The following MROH2B variants were observed in gnomAD, a reference collection of about 807,000 sequenced individuals.
MROH2B encodes the protein maestro heat-like repeat-containing protein family member 2B.
Under a neutral mutation model 208.6 loss-of-function variants are expected in MROH2B, and 177 were observed. The ratio of observed to expected loss-of-function variants is 0.85; its 90% CI spans 0.75 to 0.96. The LOEUF is 0.96. MROH2B is among the 40% of genes least tolerant of loss of function. The probability of loss-of-function intolerance (pLI) is 0.00; values close to 1 mark genes in which losing one functional copy is unlikely to be tolerated. For synonymous variants in MROH2B, 728 were observed against 659.0 expected, an observed-to-expected ratio of 1.10 and a Z score of -1.60; for missense variants, 2,002 against 1,878.7, an observed-to-expected ratio of 1.07 and a Z score of -1.21.
chr5:41,035,117 C>A (rs1274932955), intron 21 of MROH2B, among the ~76,000 whole-genome samples: 1 of 151,808 alleles, frequency 6.6e-6, no homozygotes, highest in Non-Finnish European at 1.5e-5. Flanking sequence ...TCATATGGAA[C>A]AACGAAAAAA....
In MROH2B at chr5:41,015,295, C is replaced by A. The variant is rs192443088; in HGVS notation, c.2982+86G>T. 45 of 1,193,772 alleles carry A rather than the reference C, an allele frequency of 3.8e-5. No individual in the cohort carries two copies. In the East Asian group the frequency reaches 7.1e-4, roughly 19 times the overall value. The allele number at this position is 1,193,772 out of a possible 1,614,324, so 73.9% of individuals were successfully genotyped here. ...TCCCTCATTCAGCTTGAATATCTAT[C>A]TTCTTTGCAGTGGGGAGTATGTAGC... On this transcript the variant is annotated intron_variant, in intron 29 of 41. Transcript: ENST00000399564.
intron 32 of MROH2B, 37 bp from the exon 33 acceptor site, chr5:41,008,830 A>C: frequency 1.2e-4 from 181 of 1,571,910 alleles, no homozygotes; most frequent in Middle Eastern, 1.7e-4. Context: ...AGGCAGTCTC[A>C]TTTTCTCCAA....
chr5:41,019,158 G>T, intron 24 of MROH2B, 140 bp from the exon 25 acceptor site: 1 of 1,030,056 alleles, frequency 9.7e-7, no homozygotes, highest in Non-Finnish European at 1.4e-6. Context: ...TGTTGAGAAA[G>T]GTGGTGACAG....
chr5:41,012,298 C>G (rs1049466334), intron 30 of MROH2B, among the ~76,000 whole-genome samples: 1 of 152,216 alleles, frequency 6.6e-6, no homozygotes, highest in African/African-American at 2.4e-5. Flanking sequence ...TCTCTAACAA[C>G]CCTGTTTTCC....
rs1168249239 is a variant in MROH2B at position 41,018,739 on chromosome 5, G to T, written c.2625C>A (p.Thr875=). 2 of 1,613,898 alleles carry T rather than the reference G, an allele frequency of 1.2e-6. No homozygotes were observed. The highest frequency in any genetic ancestry group is 1.1e-5 in the South Asian group (1 of 91,078). Residue 875 remains threonine (T), a synonymous_variant, in exon 26 of 42, where the codon ACC becomes ACA. Transcript: ENST00000399564. ...CTGCATTCACATTATCCCACATCAT[G>T]GTCTTCAGAAGTTTTCCTAGGGCGT... ...SMDALGKLLK[T]MMWDNVNAED... is the part of the protein sequence containing the mutation.
At chr5:41,050,614 C>A (rs1262059553) in intron 13 of MROH2B, among the ~76,000 whole-genome samples, 1 of 152,058 alleles carries the variant, frequency 6.6e-6, no homozygotes, top group African/African-American at 2.4e-5. Flanking sequence ...TCCAGTGAGG[C>A]CTGAGAATGG....
intron 33 of MROH2B, 87 bp from the exon 34 acceptor site, chr5:41,007,541 T>C (rs1360265924): frequency 8.1e-7 from 1 of 1,238,688 alleles, no homozygotes; most frequent in Non-Finnish European, 1.1e-6. Context: ...CTCCTCACAA[T>C]GCTTTCCCAC....
chr5:41,000,443 C>T, intron 38 of MROH2B, 92 bp from the exon 39 acceptor site: 1 of 1,505,222 alleles, frequency 6.6e-7, no homozygotes, highest in Non-Finnish European at 8.9e-7. Context: ...GAAAGAAGCA[C>T]TAAAAGTCAG....
chr5:41,017,920 G>A lies in MROH2B; in HGVS notation c.2814C>T (p.His938=), dbSNP rs1158184203. 6.3e-7 allele frequency: 1 copy of A among 1,585,102 alleles called. No homozygotes were observed. The highest frequency in any genetic ancestry group is 1.2e-5 in the South Asian group (1 of 86,702). ...GGATGGTGGGCAGGGTATCACAGGA[G>A]TGAGGAGCCAGAAGTCCAAGCAGTG... is the stretch of plus-strand genomic sequence containing the variant. ...IGSLLGLLAP[H]SCDTLPTIRQ... Residue 938 remains histidine, a synonymous_variant, in exon 28 of 42, where the codon CAC becomes CAT. Transcript: ENST00000399564.
intron 24 of MROH2B, among the ~76,000 whole-genome samples, chr5:41,031,598 T>G (rs1296243639): frequency 6.6e-6 from 1 of 152,110 alleles, no homozygotes; most frequent in Non-Finnish European, 1.5e-5. Flanking sequence ...GTTTCTTCCA[T>G]CTTTTATTTT....
chr5:41,054,310 G>T (rs1347966555), intron 11 of MROH2B, among the ~76,000 whole-genome samples: 1 of 152,196 alleles, frequency 6.6e-6, no homozygotes, highest in Non-Finnish European at 1.5e-5. Flanking sequence ...GGAATATTGA[G>T]CAATCCGCTA....
intron 25 of MROH2B, 35 bp downstream of exon 25, chr5:41,018,848 G>C: frequency 6.2e-7 from 1 of 1,613,784 alleles, no homozygotes. Context: ...CCCCACTGCA[G>C]ACTGTCATCC....
chr5:41,063,504 T>A (rs115717942), intron 5 of MROH2B, among the ~76,000 whole-genome samples: 101 of 152,280 alleles, frequency 6.6e-4, no homozygotes, highest in African/African-American at 2.2e-3. Flanking sequence ...CCCAGGGCAG[T>A]GTCCAGGCAC....
In MROH2B at chr5:41,070,974, G is replaced by T; in HGVS notation, c.-122C>A. On this transcript the variant is annotated 5_prime_UTR_variant, in exon 1 of 42. Coordinates refer to ENST00000399564, the MANE Select transcript of MROH2B (RefSeq NM_173489.5). ...AAGGTTCACATAAGCCTCTCTAAAT[G>T]AAAGTGCCTCCTCCACTTGATTGGC... 2.2e-6 allele frequency: 2 copies of T among 929,852 alleles called. No homozygotes were observed. Among genetic ancestry groups the T allele is most frequent in the Non-Finnish European group, 3.3e-6 (2 of 598,010 alleles). The allele number at this position is 929,852 out of a possible 1,614,324, so 57.6% of individuals were successfully genotyped here. A position where few individuals can be genotyped will look rare whatever the true frequency, so the allele number is the denominator to read the frequency against.
In MROH2B at chr5:41,004,893, G is replaced by T. The variant is rs1741527170; in HGVS notation, c.3892C>A (p.His1298Asn). 6.2e-7 allele frequency: 1 copy of T among 1,613,820 alleles called. No individual in the cohort carries two copies. The change falls in exon 36 of 42, where the codon CAT becomes AAT. Residue 1298 changes from histidine to asparagine, a missense_variant. Physicochemically the swap from His to Asn is moderately conservative, Grantham distance 68. Transcript: ENST00000399564. ...ATCAGCACATTTCGCAGATTCCCAT[G>T]CTTCCAAAGGATTGGTTCCTTCATG... ...ELMKEPILWK[H>N]GNLRNVLILM...
At chr5:41,043,918 G>A (rs1470115776) in intron 18 of MROH2B, among the ~76,000 whole-genome samples, 1 of 151,986 alleles carries the variant, frequency 6.6e-6, no homozygotes, top group African/African-American at 2.4e-5. Flanking sequence ...GAGAGAACAA[G>A]AACAACAGAA....
chr5:41,065,454 A>G lies in MROH2B; in HGVS notation c.238T>C (p.Leu80=). The G allele has an allele frequency of 1.2e-6, 2 of 1,613,482 alleles. No homozygotes were observed. The highest frequency in any genetic ancestry group is 1.7e-6 in the Non-Finnish European group (2 of 1,179,622). Residue 80 remains leucine, a synonymous_variant, in exon 4 of 42, where the codon TTG becomes CTG. Transcript: ENST00000399564. ...AAATCATGTGCAGCAAGAGACACCA[A>G]AACCTCACCAGCTAGCATTCTGATT... ...REIRMLAGEV[L]VSLAAHDFNS...
intron 24 of MROH2B, among the ~76,000 whole-genome samples, chr5:41,023,180 A>G (rs1742219836): frequency 6.6e-6 from 1 of 152,196 alleles, no homozygotes; most frequent in Non-Finnish European, 1.5e-5. Flanking sequence ...CAATGGAACA[A>G]AGCTGGACGG....
Position 41,017,848 on chromosome 5 carries a change from AC to A in MROH2B, c.2884+1del. ...TTTGTGGGTTCCCCATCTTTCCCTC[AC>A]CTTTTATATAGAACAGACCAATAGT... On this transcript the variant is annotated splice_donor_variant, in intron 28 of 41. Coordinates refer to ENST00000399564, the MANE Select transcript of MROH2B (RefSeq NM_173489.5). LOFTEE classifies it high-confidence loss of function. The A allele has an allele frequency of 6.3e-7, 1 of 1,581,766 alleles. No homozygotes were observed. The highest frequency in any genetic ancestry group is 1.4e-5 in the African/African-American group (1 of 74,048).
Sources: gnomAD v4.1 joint callset for allele counts (sites outside exome capture counted in the v4.1 genomes callset) on GRCh38, gnomAD v4.1.1 for gene constraint, MANE v1.5 for transcripts, NCBI Gene and HGNC (gene_info 2026-07-23, HGNC 2026-07-21) for gene names.